Variants in SYNE2 observed in about 807,000 individuals in gnomAD.
SYNE2 encodes spectrin repeat containing nuclear envelope protein 2.
A neutral mutation model predicts 856.3 loss-of-function variants in SYNE2; 431 were observed. The ratio of observed to expected loss-of-function variants is 0.50; its 90% CI spans 0.47 to 0.55. SYNE2 has a LOEUF of 0.55. Among genes scored for constraint, SYNE2 ranks in the 20% least tolerant of loss-of-function variants. SYNE2 has a pLI of 0.00. For missense variants in SYNE2, 8,129 were observed against 8,023.2 expected (o/e 1.01, Z -0.50); for synonymous variants, 2,923 against 2,872.3 (o/e 1.02, Z -0.56).
chr14:63,784,516 A>G (rs1272773305), intron 1 of SYNE2, among the ~76,000 whole-genome samples: 1 of 151,660 alleles, frequency 6.6e-6, no homozygotes, highest in Non-Finnish European at 1.5e-5. Flanking sequence ...CAAACAAACA[A>G]ACAAACAAAC....
Position 64,024,441 on chromosome 14 carries a change from C to T in SYNE2, c.5822C>T (p.Ser1941Phe), listed in dbSNP as rs763379672. Residue 1941 changes from serine to phenylalanine, a missense_variant, in exon 39 of 116, where the codon TCC (serine) becomes TTC (phenylalanine). Physicochemically the swap from Ser to Phe is radical, Grantham distance 155 (BLOSUM62 -2). Around this residue, in one of 3 missense-constraint regions of SYNE2, gnomAD observed 2,422 missense variants for 2,357.4 expected, o/e 1.03. Transcript: ENST00000555002. ...GCTCGAGCAAAGGAGCTTGAAGACTCCTTGCAGCAGCTACTGAGGTAGGAA... is the reference window on the plus strand; with the variant it reads ...GCTCGAGCAAAGGAGCTTGAAGACTTCTTGCAGCAGCTACTGAGGTAGGAA... ...CQARAKELEDSLQQLLRLQDD... is the reference protein window; with the variant it reads ...CQARAKELEDFLQQLLRLQDD... 1.1e-5 allele frequency: 18 copies of T among 1,613,816 alleles called. No homozygotes were observed. Among genetic ancestry groups the T allele is most frequent in the Non-Finnish European group, 1.4e-5 (17 of 1,179,904 alleles).
rs34142807 is a variant in SYNE2, at chr14:63,981,362, T to TTA, written c.1836+196_1836+197dup. 0.3 allele frequency among the ~76,000 whole-genome samples: 46,086 copies of TTA among 151,832 alleles called. 7,197 individuals carry two copies. Among genetic ancestry groups the TTA allele is most frequent in the Middle Eastern group, 0.35 (104 of 294 alleles). On this transcript the variant is annotated intron_variant, in intron 16 of 115. Transcript: ENST00000555002. ...CCAAGAGGTAGTTTTCTCCACTGGT[T>TTA]TATATATACATGGTCAAACACGCAC... is the stretch of plus-strand genomic sequence containing the variant.
At chr14:64,138,089 T>C in intron 79 of SYNE2, 106 bp downstream of exon 79, 1 of 1,337,912 alleles carries the variant, frequency 7.5e-7, no homozygotes, top group East Asian at 2.5e-5. Context: ...TATGCTGTTT[T>C]TTCTTGGGCA....
chr14:63,822,931 C>T (rs1889277240), intron 1 of SYNE2, among the ~76,000 whole-genome samples: 1 of 151,894 alleles, frequency 6.6e-6, no homozygotes, highest in Admixed American at 6.6e-5. Flanking sequence ...TAGTGAGACC[C>T]CATCTCTATA....
At chr14:63,981,990 A>G (rs2096589182) in intron 16 of SYNE2, among the ~76,000 whole-genome samples, 1 of 152,186 alleles carries the variant, frequency 6.6e-6, no homozygotes, top group African/African-American at 2.4e-5. Flanking sequence ...AAAAATGTAC[A>G]TAACTCAGAG....
chr14:63,920,786 G>T (rs573325338), intron 2 of SYNE2, among the ~76,000 whole-genome samples: 1 of 152,088 alleles, frequency 6.6e-6, no homozygotes, highest in South Asian at 2.1e-4. Context: ...GATTGACTTG[G>T]TATGGGAGAA....
chr14:64,212,768 G>C (rs758775567), intron 104 of SYNE2, 43 bp from the exon 105 acceptor site: 60 of 1,590,972 alleles, frequency 3.8e-5, no homozygotes, highest in South Asian at 3.4e-4. Context: ...TGGAAGCTCA[G>C]GGTAACTTTC....
intron 1 of SYNE2, among the ~76,000 whole-genome samples, chr14:63,872,460 A>G (rs1364119828): frequency 3.3e-5 from 5 of 150,372 alleles, no homozygotes; most frequent in African/African-American, 4.9e-5. Context: ...GAAAAATCCA[A>G]CAAGAGTCTA....
At chr14:64,119,662 C>A in intron 67 of SYNE2, 53 bp downstream of exon 67, 1 of 1,586,848 alleles carries the variant, frequency 6.3e-7, no homozygotes, top group Non-Finnish European at 8.6e-7. Context: ...TGTGGCAGAC[C>A]TGCCAGAAGA....
chr14:64,223,086 A>G (rs1596324229), intron 112 of SYNE2, 103 bp from the exon 113 acceptor site: 2 of 1,157,604 alleles, frequency 1.7e-6, no homozygotes, highest in East Asian at 4.7e-5. Flanking sequence ...AGTACTACCC[A>G]TCATTCATTC....
At chr14:64,113,851 A>G (rs749005153) in intron 66 of SYNE2, among the ~76,000 whole-genome samples, 16 of 152,100 alleles carry the variant, frequency 1.1e-4, no homozygotes, top group Non-Finnish European at 1.9e-4. Flanking sequence ...CATTTTCCTT[A>G]TATAGTAGGT....
intron 10 of SYNE2, among the ~76,000 whole-genome samples, chr14:63,965,291 C>G (rs2096375846): frequency 6.6e-6 from 1 of 152,088 alleles, no homozygotes. Context: ...GTAGCAGATA[C>G]CTTGCTGGTT....
At chr14:64,209,806 C>A in intron 102 of SYNE2, 136 bp from the exon 103 acceptor site, 2 of 1,257,130 alleles carry the variant, frequency 1.6e-6, no homozygotes, top group Non-Finnish European at 2.3e-6. Context: ...GGCATCAGGA[C>A]TGGTGAATTA....
chr14:64,211,028 C>CT, intron 103 of SYNE2, among the ~76,000 whole-genome samples: 1 of 152,272 alleles, frequency 6.6e-6, no homozygotes, highest in Non-Finnish European at 1.5e-5. Context: ...GTTGCCCAGG[C>CT]TGGAGTGCAG....
intron 10 of SYNE2, 72 bp downstream of exon 10, chr14:63,964,072 CT>C: frequency 1.1e-6 from 1 of 930,170 alleles, no homozygotes; most frequent in South Asian, 1.4e-5. Context: ...TTTTAGAAAA[CT>C]CTTTCAGGCT....
intron 78 of SYNE2, among the ~76,000 whole-genome samples, chr14:64,136,747 C>T (rs1442625367): frequency 6.6e-6 from 1 of 151,802 alleles, no homozygotes; most frequent in Non-Finnish European, 1.5e-5. Flanking sequence ...AGTAGAAGAC[C>T]CTGGAAATGA....
intron 1 of SYNE2, among the ~76,000 whole-genome samples, chr14:63,864,210 ATGT>A (rs1464495027): frequency 2.0e-5 from 3 of 152,240 alleles, no homozygotes; most frequent in Admixed American, 2.0e-4. Context: ...TCATTTGATG[ATGT>A]TGAGTAAGAA....
At chr14:63,857,013 T>A (rs1042245853) in intron 1 of SYNE2, among the ~76,000 whole-genome samples, 2 of 152,160 alleles carry the variant, frequency 1.3e-5, no homozygotes, top group African/African-American at 4.8e-5. Flanking sequence ...CAAGTGATCC[T>A]CCCACCTCAG....
rs765665332 is a variant in SYNE2 at position 64,003,059 on chromosome 14, C to T, written c.4126C>T (p.His1376Tyr). Residue 1376 changes from histidine to tyrosine, a missense_variant, in exon 30 of 116, where the codon CAT (histidine) becomes TAT (tyrosine). Transcript: ENST00000555002. ...TCATCTGATGAAAGACAAGGCCAAA[C>T]ATTTGGATAAATGTTTGAAGATGCT... ...EIHLMKDKAK[H>Y]LDKCLKMLDM... 5.6e-6 allele frequency: 9 copies of T among 1,614,012 alleles called. No homozygotes were observed. The highest frequency in any genetic ancestry group is 7.6e-6 in the Non-Finnish European group (9 of 1,180,030).
Sources: gnomAD v4.1 joint callset for allele counts (sites outside exome capture counted in the v4.1 genomes callset) on GRCh38, gnomAD v4.1.1 for gene constraint, gnomAD v4.1.1 regional missense constraint, MANE v1.5 for transcripts, NCBI Gene and HGNC (gene_info 2026-07-23, HGNC 2026-07-21) for gene names.